Variants in YEATS4 observed in about 807,000 individuals in gnomAD.
YEATS4 encodes the protein YEATS domain-containing protein 4.
In YEATS4, 17 loss-of-function variants were observed where a neutral mutation model predicts 30.1. The observed-to-expected ratio is 0.56, with a 90% CI of 0.39 to 0.85. YEATS4 has a LOEUF of 0.85. YEATS4 is among the 40% of genes least tolerant of loss of function. The pLI is 0.00. For synonymous variants in YEATS4, 85 were observed against 87.5 expected, an observed-to-expected ratio of 0.97 and a Z score of 0.16; for missense variants, 142 against 268.3, an observed-to-expected ratio of 0.53 and a Z score of 3.29.
intron 6 of YEATS4, among the ~76,000 whole-genome samples, chr12:69,389,049 A>G (rs577915572): frequency 2.6e-5 from 4 of 152,338 alleles, no homozygotes; most frequent in Non-Finnish European, 4.4e-5. Context: ...AATAGCTTAC[A>G]GTGTCACAGC....
chr12:69,371,192 C>T (rs185771826), intron 6 of YEATS4, among the ~76,000 whole-genome samples: 9 of 152,338 alleles, frequency 5.9e-5, no homozygotes, highest in East Asian at 3.9e-4. Flanking sequence ...CAGCCTCTTA[C>T]ATTCGCTGAA....
At chr12:69,413,475 C>G in the YEATS4 span, among the ~76,000 whole-genome samples, 1 of 151,732 alleles carries the variant, frequency 6.6e-6, no homozygotes, top group East Asian at 1.9e-4. Flanking sequence ...GAAGAAACGG[C>G]AGCCTAAGAA....
the YEATS4 span, among the ~76,000 whole-genome samples, chr12:69,424,038 C>T: frequency 1.3e-4 from 20 of 152,058 alleles, no homozygotes; most frequent in East Asian, 3.9e-4. Context: ...GGAGCTGCAG[C>T]GATCATTTTG....
In YEATS4 at chr12:69,390,294, A is replaced by G. The variant is rs1868301833; in HGVS notation, c.662A>G (p.Asp221Gly). 1.3e-6 allele frequency: 2 copies of G among 1,588,386 alleles called. No homozygotes were observed. The highest frequency in any genetic ancestry group is 2.2e-5 in the East Asian group (1 of 44,514). Residue 221 changes from aspartate (D) to glycine (G), a missense_variant, in exon 7 of 7, where the codon GAT (aspartate) becomes GGT (glycine). Physicochemically the swap from Asp to Gly is moderately conservative, Grantham distance 94. This residue lies in a region of YEATS4 where 53 missense variants were observed against 68.6 expected (regional missense o/e 0.77). Coordinates refer to ENST00000247843, the MANE Select transcript of YEATS4 (RefSeq NM_006530.4). ...AATGAAATCAGAAAACTTGAAGAAG[A>G]TGACCAAGCAAAAGACATATAAACA... is the stretch of plus-strand genomic sequence containing the variant. Reference protein sequence around the residue: ...LKNEIRKLEEDDQAKDI With the variant: ...LKNEIRKLEEGDQAKDI
At chr12:69,395,244 A>G (rs1396638439), downstream of YEATS4, among the ~76,000 whole-genome samples, 1 of 152,178 alleles carries the variant, frequency 6.6e-6, no homozygotes, top group Non-Finnish European at 1.5e-5. Context: ...TTACTTACAA[A>G]CCATTTATCC....
intron 6 of YEATS4, among the ~76,000 whole-genome samples, chr12:69,374,048 A>G (rs1171688006): frequency 1.3e-4 from 20 of 151,864 alleles, no homozygotes; most frequent in Admixed American, 1.2e-3. Flanking sequence ...TATAATTTGA[A>G]GTCAGGTGAT....
intron 4 of YEATS4, among the ~76,000 whole-genome samples, chr12:69,367,830 C>A (rs973021157): frequency 5.3e-5 from 8 of 152,194 alleles, no homozygotes; most frequent in African/African-American, 1.9e-4. Context: ...TCATATGTTA[C>A]TAGAGTAGAA....
downstream of YEATS4, among the ~76,000 whole-genome samples, chr12:69,394,737 C>T (rs564060591): frequency 7.4e-4 from 112 of 152,196 alleles, no homozygotes; most frequent in Middle Eastern, 3.4e-3. Flanking sequence ...GCTCCTCAAA[C>T]TATAGGCCTT....
rs933802239 is a variant in YEATS4, at chr12:69,359,856, C to G, written c.-117C>G. On this transcript the variant is annotated 5_prime_UTR_variant, in exon 1 of 7. Coordinates refer to ENST00000247843, the MANE Select transcript of YEATS4 (RefSeq NM_006530.4). The stretch of plus-strand genomic sequence containing the variant: ...TGAGCCCAAGTAACTCGCCCTCCTT[C>G]GGCTAGAAACCCTCCGCCTGGGCCC... 1.6e-6 allele frequency: 2 copies of G among 1,281,656 alleles called. No individual in the cohort carries two copies. Among genetic ancestry groups the G allele is most frequent in the Admixed American group, 2.2e-5 (1 of 44,890 alleles). 79.4% of individuals were successfully genotyped at this position (1,281,656 alleles called of 1,614,324 possible).
chr12:69,416,282 A>T, the YEATS4 span, among the ~76,000 whole-genome samples: 1 of 152,328 alleles, frequency 6.6e-6, no homozygotes, highest in South Asian at 2.1e-4. Context: ...GAGGCTTTTC[A>T]ATCCTCTGAT....
the YEATS4 span, among the ~76,000 whole-genome samples, chr12:69,410,132 G>A: frequency 2.3e-3 from 348 of 152,274 alleles, no homozygotes; most frequent in Non-Finnish European, 3.1e-3. Flanking sequence ...ATTCACTCAC[G>A]TTAGCATATA....
intron 1 of YEATS4, among the ~76,000 whole-genome samples, chr12:69,360,567 A>G (rs1215075151): frequency 1.3e-5 from 2 of 152,222 alleles, no homozygotes; most frequent in African/African-American, 4.8e-5. Context: ...AACATTCAGT[A>G]AATGTCAACT....
At chr12:69,414,498 T>G in the YEATS4 span, among the ~76,000 whole-genome samples, 2 of 152,214 alleles carry the variant, frequency 1.3e-5, no homozygotes, top group South Asian at 2.1e-4. Context: ...CCCAAAGCAC[T>G]GGACTAGCAG....
chr12:69,369,507 C>T (rs1355887722), intron 4 of YEATS4, among the ~76,000 whole-genome samples: 1 of 152,188 alleles, frequency 6.6e-6, no homozygotes, highest in East Asian at 1.9e-4. Context: ...CTAGCTACCC[C>T]ATAGCATTCT....
chr12:69,415,344 G>A, the YEATS4 span, among the ~76,000 whole-genome samples: 1 of 152,180 alleles, frequency 6.6e-6, no homozygotes, highest in East Asian at 1.9e-4. Context: ...GGAGGCCGAG[G>A]CGGGCAGATC....
At chr12:69,408,882 G>A in the YEATS4 span, among the ~76,000 whole-genome samples, 1 of 152,192 alleles carries the variant, frequency 6.6e-6, no homozygotes, top group Admixed American at 6.5e-5. Flanking sequence ...AAAATAGTGA[G>A]ACTCACAGTT....
intron 6 of YEATS4, among the ~76,000 whole-genome samples, chr12:69,375,079 G>A (rs942396122): frequency 1.0e-3 from 152 of 151,082 alleles, no homozygotes; most frequent in African/African-American, 3.1e-3. Context: ...GGCGGCTGCC[G>A]GGCGGAGACG....
chr12:69,372,374 C>T (rs781210242), intron 6 of YEATS4, among the ~76,000 whole-genome samples: 9 of 152,062 alleles, frequency 5.9e-5, no homozygotes, highest in Non-Finnish European at 1.0e-4. Flanking sequence ...TTTAAATGTA[C>T]AATTACATTA....
chr12:69,390,173 GA>G lies in YEATS4; in HGVS notation c.546del (p.Lys182AsnfsTer2). 2.5e-6 allele frequency: 4 copies of G among 1,586,346 alleles called. No homozygotes were observed. The highest frequency in any genetic ancestry group is 3.4e-6 in the Non-Finnish European group (4 of 1,173,136). ...TGCAGAGCTTGAAGTGAAAACCAGAGAAAAATTAGAAGCTGCTAAGAAAAAA... is the reference window on the plus strand; with the variant it reads ...TGCAGAGCTTGAAGTGAAAACCAGAGAAAATTAGAAGCTGCTAAGAAAAAA... Reference protein sequence around the residue: ...EFAELEVKTREKLEAAKKKTS... With the variant: ...EFAELEVKTRXKLEAAKKKTS... On this transcript the variant is annotated frameshift_variant, in exon 7 of 7. Transcript: ENST00000247843. LOFTEE classifies it high-confidence loss of function.
Sources: gnomAD v4.1 joint callset for allele counts (sites outside exome capture counted in the v4.1 genomes callset) on GRCh38, gnomAD v4.1.1 for gene constraint, gnomAD v4.1.1 regional missense constraint, MANE v1.5 for transcripts, NCBI Gene and HGNC (gene_info 2026-07-23, HGNC 2026-07-21) for gene names.